The following FAM210A variants were observed in gnomAD, a reference collection of about 807,000 sequenced individuals.
FAM210A encodes family with sequence similarity 210 member A.
A neutral mutation model predicts 25.3 loss-of-function variants in FAM210A; 13 were observed. The ratio of observed to expected loss-of-function variants is 0.51; its 90% CI spans 0.33 to 0.82. FAM210A has a LOEUF of 0.82. Among genes scored for constraint, FAM210A ranks in the 40% least tolerant of loss-of-function variants. The pLI is 0.02. For synonymous variants in FAM210A, 125 were observed against 118.7 expected (o/e 1.05, Z -0.35); for missense variants, 319 against 323.2 (o/e 0.99, Z 0.10).
At chr18:13,724,799 A>G (rs1268889356) in intron 1 of FAM210A, among the ~76,000 whole-genome samples, 1 of 152,180 alleles carries the variant, frequency 6.6e-6, no homozygotes, top group Non-Finnish European at 1.5e-5. Flanking sequence ...TTTTTGAGAC[A>G]GTCTCGCTCT....
intron 1 of FAM210A, chr18:13,715,480 G>C (rs1204875920): frequency 6.6e-6 from 1 of 152,184 alleles, no homozygotes; most frequent in Non-Finnish European, 1.5e-5. Flanking sequence ...GCACATCTGT[G>C]ATTGCACTAA....
intron 2 of FAM210A, among the ~76,000 whole-genome samples, chr18:13,680,058 ATCAT>A (rs2043538547): frequency 6.6e-6 from 1 of 152,238 alleles, no homozygotes; most frequent in Non-Finnish European, 1.5e-5. Flanking sequence ...GCCTTGCCTT[ATCAT>A]ACATGGGCAA....
At chr18:13,678,422 A>G (rs533313949) in intron 2 of FAM210A, among the ~76,000 whole-genome samples, 12 of 151,604 alleles carry the variant, frequency 7.9e-5, no homozygotes, top group Non-Finnish European at 1.5e-4. Context: ...AGGCTCTGCA[A>G]TTCTGTAGTG....
intron 1 of FAM210A, chr18:13,710,508 TC>T (rs1397517441): frequency 6.6e-6 from 1 of 152,184 alleles, no homozygotes. Context: ...GTTTCTATAA[TC>T]CCTTACTTCA....
chr18:13,680,379 TAAAGA>T lies in FAM210A; in HGVS notation c.473+1221_473+1225del, dbSNP rs765793867. ...CTTCTGCAAGGAAAGATACAATTCTTAAAGAAAAGGATATGCAATGAAGAAGGATA... is the reference window on the plus strand; with the variant it reads ...CTTCTGCAAGGAAAGATACAATTCTTAAAGGATATGCAATGAAGAAGGATA... On this transcript the variant is annotated intron_variant, in intron 2 of 3. Coordinates refer to ENST00000651643, the MANE Select transcript of FAM210A (RefSeq NM_152352.4). Among the ~76,000 whole-genome samples, 8 of 152,182 alleles carry T rather than the reference TAAAGA, an allele frequency of 5.3e-5. No individual in the cohort carries two copies. The East Asian group carries it at 5.8e-4, about 11-fold the overall frequency.
intron 1 of FAM210A, among the ~76,000 whole-genome samples, chr18:13,684,066 T>A (rs376078322): frequency 3.9e-5 from 6 of 152,028 alleles, no homozygotes; most frequent in African/African-American, 1.4e-4. Context: ...AAACTGCAAA[T>A]CTTGCAAAAT....
At chr18:13,706,352 T>TGGGGG (rs35089359) in intron 1 of FAM210A, among the ~76,000 whole-genome samples, 12 of 147,526 alleles carry the variant, frequency 8.1e-5, no homozygotes, top group African/African-American at 2.8e-4. Context: ...GAAATGAAAA[T>TGGGGG]GGGGGGGGGT....
intron 1 of FAM210A, among the ~76,000 whole-genome samples, chr18:13,721,506 G>A (rs1352551185): frequency 1.3e-5 from 2 of 152,136 alleles, no homozygotes; most frequent in African/African-American, 4.8e-5. Context: ...ACTCATCTCT[G>A]CAATTCCTCC....
At chr18:13,719,974 A>C (rs940505356) in intron 1 of FAM210A, among the ~76,000 whole-genome samples, 1 of 152,216 alleles carries the variant, frequency 6.6e-6, no homozygotes, top group African/African-American at 2.4e-5. Context: ...CATGCTTAGT[A>C]AATATAACAT....
chr18:13,713,576 G>C (rs978818647), intron 1 of FAM210A, among the ~76,000 whole-genome samples: 6 of 152,176 alleles, frequency 3.9e-5, no homozygotes, highest in African/African-American at 1.2e-4. Context: ...TGCCTGGTGA[G>C]TGAGCACAGA....
At chr18:13,711,456 C>A (rs924847609) in intron 1 of FAM210A, among the ~76,000 whole-genome samples, 1 of 152,182 alleles carries the variant, frequency 6.6e-6, no homozygotes, top group African/African-American at 2.4e-5. Context: ...CTCTTTTTCA[C>A]TACCTCCCAT....
At chr18:13,678,970 T>C (rs1421311927) in intron 2 of FAM210A, among the ~76,000 whole-genome samples, 10 of 152,218 alleles carry the variant, frequency 6.6e-5, no homozygotes, top group Non-Finnish European at 4.4e-5. Flanking sequence ...AAAGCACTTC[T>C]GGACATAAGA....
chr18:13,695,569 A>G (rs1007750671), intron 1 of FAM210A, among the ~76,000 whole-genome samples: 2 of 152,214 alleles, frequency 1.3e-5, no homozygotes, highest in African/African-American at 2.4e-5. Flanking sequence ...TTGTAGGGAC[A>G]TGGATGAAGC....
intron 1 of FAM210A, among the ~76,000 whole-genome samples, chr18:13,698,766 A>C (rs1253765145): frequency 6.6e-6 from 1 of 152,192 alleles, no homozygotes. Context: ...AAACCGCCAG[A>C]CCACAGAAAC....
rs368380993 is a variant in FAM210A, at chr18:13,690,139, C to T, written c.-28-8034G>A. Among the ~76,000 whole-genome samples the T allele has an allele frequency of 5.9e-4, 90 of 152,348 alleles. 1 individual carries two copies. The highest frequency in any genetic ancestry group is 2.0e-3 in the African/African-American group (82 of 41,572). On this transcript the variant is annotated intron_variant, in intron 1 of 3. Transcript: ENST00000651643. Reference sequence around the variant, plus strand: ...CCTGGCTCAGAGGGTTGCACCCCCACGGAGCCTCGCTCACTGCTAGCACAG... The same window carrying T: ...CCTGGCTCAGAGGGTTGCACCCCCATGGAGCCTCGCTCACTGCTAGCACAG...
intron 1 of FAM210A, among the ~76,000 whole-genome samples, chr18:13,725,980 C>T (rs1037729250): frequency 6.6e-6 from 1 of 152,206 alleles, no homozygotes; most frequent in African/African-American, 2.4e-5. Flanking sequence ...AAAAACCATT[C>T]CGAACGCGGG....
At chr18:13,692,284 C>A (rs902210273) in intron 1 of FAM210A, among the ~76,000 whole-genome samples, 1 of 151,982 alleles carries the variant, frequency 6.6e-6, no homozygotes, top group Non-Finnish European at 1.5e-5. Flanking sequence ...GACTTAGACT[C>A]CTACACAATA....
intron 1 of FAM210A, among the ~76,000 whole-genome samples, chr18:13,684,193 G>A (rs2043577277): frequency 6.6e-6 from 1 of 152,110 alleles, no homozygotes; most frequent in Non-Finnish European, 1.5e-5. Flanking sequence ...TGAGGAGTTC[G>A]AGACCAGTCT....
intron 2 of FAM210A, among the ~76,000 whole-genome samples, chr18:13,674,973 T>C (rs559145860): frequency 6.6e-6 from 1 of 150,480 alleles, no homozygotes; most frequent in Non-Finnish European, 1.5e-5. Flanking sequence ...TTAACATTCC[T>C]GAGCCCTGGC....
Sources: allele counts gnomAD v4.1 joint callset (sites outside exome capture counted in the v4.1 genomes callset), GRCh38; gene constraint gnomAD v4.1.1; transcripts MANE v1.5; gene names NCBI Gene and HGNC (gene_info 2026-07-23, HGNC 2026-07-21).